The following PARP14 variants were observed in gnomAD, a reference collection of about 807,000 sequenced individuals.
The protein encoded by PARP14 is protein mono-ADP-ribosyltransferase PARP14.
In PARP14, 59 loss-of-function variants were observed where a neutral mutation model predicts 154.2. The observed-to-expected ratio is 0.38, with a 90% confidence interval of 0.31 to 0.48. The LOEUF (loss-of-function observed/expected upper bound fraction) is 0.48, where lower values mean the gene tolerates loss of function less well. Among genes scored for constraint, PARP14 ranks in the 20% least tolerant of loss-of-function variants. PARP14 has a pLI of 0.98. For synonymous variants in PARP14, 720 were observed against 780.5 expected (o/e 0.92, Z 1.29); for missense variants, 1,734 against 2,131.6 (o/e 0.81, Z 3.67).
intron 15 of PARP14, chr3:122,720,679 G>T: frequency 2.2e-6 from 1 of 462,222 alleles, no homozygotes; most frequent in South Asian, 1.8e-5. Context: ...TTTAAAATTG[G>T]ATTTGATAGC....
chr3:122,718,876 C>T lies in PARP14; in HGVS notation c.4725C>T (p.His1575=). 1.2e-6 allele frequency: 2 copies of T among 1,613,852 alleles called. No homozygotes were observed. Among genetic ancestry groups the T allele is most frequent in the Non-Finnish European group, 1.7e-6 (2 of 1,179,800 alleles). Residue 1575 remains histidine (H), a synonymous_variant, in exon 14 of 17, where the codon CAC becomes CAT. Transcript: ENST00000474629. The stretch of plus-strand genomic sequence containing the variant: ...TTGATGTCAAAATTAATCATCGGCA[C>T]TACACAGTGAACTTGAACACATACA... ...KTVDVKINHR[H]YTVNLNTYTA...
At chr3:122,693,300 C>T (rs1334462420) in intron 4 of PARP14, among the ~76,000 whole-genome samples, 1 of 134,578 alleles carries the variant, frequency 7.4e-6, no homozygotes, top group Non-Finnish European at 1.7e-5. Context: ...GGGAAGAGAG[C>T]TGTCACCACC....
chr3:122,706,427 T>G (rs1939151688), intron 8 of PARP14, among the ~76,000 whole-genome samples: 1 of 152,174 alleles, frequency 6.6e-6, no homozygotes, highest in Non-Finnish European at 1.5e-5. Flanking sequence ...TTTATTTAGA[T>G]TATTAAAAAA....
chr3:122,681,137 G>C lies in PARP14; in HGVS notation c.187+67G>C, dbSNP rs1938191949. ...CCCTCCCTCCAGGGAAATGGCGGCA[G>C]GGCACGCACGGGAGGGTGACCCGCC... is the stretch of plus-strand genomic sequence containing the variant. On this transcript the variant is annotated intron_variant, in intron 1 of 16. Coordinates refer to ENST00000474629, the MANE Select transcript of PARP14 (RefSeq NM_017554.3). This position sits in a 1 kb window ranked among gnomAD's most constrained non-coding sequence, Gnocchi z 5.5. The C allele has an allele frequency of 3.1e-6, 4 of 1,285,952 alleles. No homozygotes were observed. In the African/African-American group the frequency reaches 5.9e-5, roughly 19 times the overall value. The allele number at this position is 1,285,952 out of a possible 1,614,324, so 79.7% of individuals were successfully genotyped here. A position where few individuals can be genotyped will look rare whatever the true frequency, so the allele number is the denominator to read the frequency against.
In PARP14 at chr3:122,728,896, A is replaced by G. The variant is rs530064474; in HGVS notation, c.*299A>G. On this transcript the variant is annotated 3_prime_UTR_variant, in exon 17 of 17. Coordinates refer to ENST00000474629, the MANE Select transcript of PARP14 (RefSeq NM_017554.3). ...GGTTTGTATTTTCAGGAAGGAGAGA[A>G]TAACAGTCTTATAGACAGAGGGCAC... The G allele has an allele frequency of 6.8e-5, 23 of 340,536 alleles. 1 individual carries two copies. The highest frequency in any genetic ancestry group is 3.4e-4 in the South Asian group (12 of 34,854). The allele number at this position is 340,536 out of a possible 1,614,324, so 21.1% of individuals were successfully genotyped here.
intron 14 of PARP14, 106 bp from the exon 15 acceptor site, chr3:122,720,149 C>A: frequency 8.8e-7 from 1 of 1,141,406 alleles, no homozygotes; most frequent in African/African-American, 1.5e-5. Context: ...ATAAGGAACT[C>A]TTTGAATGCT....
intron 3 of PARP14, among the ~76,000 whole-genome samples, chr3:122,690,411 A>T (rs893756046): frequency 3.3e-5 from 5 of 152,152 alleles, no homozygotes; most frequent in African/African-American, 1.2e-4. Flanking sequence ...TTAATTTAGC[A>T]TGAGTGTGTG....
Position 122,694,600 on chromosome 3 carries a change from C to T in PARP14, c.599-826C>T, listed in dbSNP as rs780481920. Among the ~76,000 whole-genome samples the T allele has an allele frequency of 2.6e-5, 4 of 152,238 alleles. No individual in the cohort carries two copies. The South Asian group carries it at 6.2e-4, about 24-fold the overall frequency. ...CCCAGGCTGGAATGCAATGCAGTGG[C>T]GTGATCTCAGCTCACTACAAGTGAT... On this transcript the variant is annotated intron_variant, in intron 4 of 16. Transcript: ENST00000474629.
At chr3:122,720,480 C>A (rs975932701) in intron 15 of PARP14, 92 bp downstream of exon 15, 1 of 1,221,826 alleles carries the variant, frequency 8.2e-7, no homozygotes, top group Non-Finnish European at 1.2e-6. Context: ...CTTCCTATCA[C>A]ATTTTTTTAA....
At chr3:122,705,174 G>C (rs1057276742) in intron 8 of PARP14, among the ~76,000 whole-genome samples, 1 of 152,064 alleles carries the variant, frequency 6.6e-6, no homozygotes, top group East Asian at 1.9e-4. Flanking sequence ...TTTTAAAAAA[G>C]TAACATAACC....
rs771490414 is a variant in PARP14 at position 122,701,517 on chromosome 3, C to T, written c.2963C>T (p.Pro988Leu). ...GCCACCCTGCCAGATACAGCTGCCCCGCCAGGTTTACCACCAGCAGCAGCG... is the reference window on the plus strand; with the variant it reads ...GCCACCCTGCCAGATACAGCTGCCCTGCCAGGTTTACCACCAGCAGCAGCG... Reference protein sequence around the residue: ...FKATLPDTAAPPGLPPAAAGP... With the variant: ...FKATLPDTAALPGLPPAAAGP... The change falls in exon 6 of 17, where the codon CCG becomes CTG. Residue 988 changes from proline (P) to leucine (L), a missense_variant. Physicochemically the swap from Pro to Leu is moderately conservative, Grantham distance 98. Around this residue, in one of 2 missense-constraint regions of PARP14, gnomAD observed 1,646 missense variants for 1,976.0 expected, o/e 0.83. Coordinates refer to ENST00000474629, the MANE Select transcript of PARP14 (RefSeq NM_017554.3). The surrounding 1 kb of genome is among the most constrained non-coding windows in gnomAD (Gnocchi z 4.0). 5.9e-5 allele frequency: 95 copies of T among 1,613,182 alleles called. No individual in the cohort carries two copies. Among genetic ancestry groups the T allele is most frequent in the Non-Finnish European group, 7.8e-5 (92 of 1,179,450 alleles).
Position 122,720,348 on chromosome 3 carries a change from G to C in PARP14, c.4901G>C (p.Ser1634Thr), listed in dbSNP as rs763279060. ...PSDPEYNTVASKFNQTCSHFR... is the reference protein window; with the variant it reads ...PSDPEYNTVATKFNQTCSHFR... Reference sequence around the variant, plus strand: ...GATCCTGAGTACAACACGGTGGCAAGCAAGTTTAATCAGACCTGCTCACAC... The same window carrying C: ...GATCCTGAGTACAACACGGTGGCAACCAAGTTTAATCAGACCTGCTCACAC... Residue 1634 changes from serine (S) to threonine (T), a missense_variant, in exon 15 of 17, where the codon AGC (serine) becomes ACC (threonine). Physicochemically the swap from Ser to Thr is moderately conservative, Grantham distance 58. This residue lies in a region of PARP14 where 1,646 missense variants were observed against 1,976.0 expected (regional missense o/e 0.83). Coordinates refer to ENST00000474629, the MANE Select transcript of PARP14 (RefSeq NM_017554.3). 1 of 1,613,108 alleles carries C rather than the reference G, an allele frequency of 6.2e-7. No individual in the cohort carries two copies. Among genetic ancestry groups the C allele is most frequent in the African/African-American group, 1.3e-5 (1 of 75,038 alleles).
At chr3:122,723,322 C>T (rs185129175) in intron 15 of PARP14, among the ~76,000 whole-genome samples, 42 of 152,296 alleles carry the variant, frequency 2.8e-4, no homozygotes, top group East Asian at 3.9e-4. Flanking sequence ...AGTTCACACA[C>T]GGTTTGGACA....
chr3:122,713,138 G>T (rs1939376124), intron 9 of PARP14, among the ~76,000 whole-genome samples: 1 of 152,200 alleles, frequency 6.6e-6, no homozygotes, highest in South Asian at 2.1e-4. Flanking sequence ...GTGGCTTTTT[G>T]TATTTGTCCT....
Position 122,700,403 on chromosome 3 carries a change from C to T in PARP14, c.1849C>T (p.Leu617Phe), listed in dbSNP as rs1333180273. 3 of 1,613,686 alleles carry T rather than the reference C, an allele frequency of 1.9e-6. No homozygotes were observed. Among genetic ancestry groups the T allele is most frequent in the South Asian group, 1.1e-5 (1 of 91,076 alleles). Residue 617 changes from leucine (L) to phenylalanine (F), a missense_variant, in exon 6 of 17, where the codon CTC becomes TTC. Around this residue, in one of 2 missense-constraint regions of PARP14, gnomAD observed 1,646 missense variants for 1,976.0 expected, o/e 0.83. Transcript: ENST00000474629. ...EVLHGKKWKGLTHNLLKKQNS... is the reference protein window; with the variant it reads ...EVLHGKKWKGFTHNLLKKQNS... ...TCTTCATGGCAAGAAATGGAAAGGG[C>T]TCACTCACAATTTGCTTAAGAAACA...
chr3:122,726,489 CT>C (rs1206334078), intron 15 of PARP14, among the ~76,000 whole-genome samples: 1 of 152,220 alleles, frequency 6.6e-6, no homozygotes, highest in Non-Finnish European at 1.5e-5. Context: ...TTCAAATAGA[CT>C]TTTCTCCCTC....
chr3:122,680,916 C>A lies in PARP14; in HGVS notation c.33C>A (p.Val11=). Residue 11 remains valine (V), a synonymous_variant, in exon 1 of 17, where the codon GTC becomes GTA. Coordinates refer to ENST00000474629, the MANE Select transcript of PARP14 (RefSeq NM_017554.3). ...TGCCCGGCTCCTTCCCGCTGCTGGT[C>A]GAGGGCTCCTGGGGCCCCGACCCCC... MAVPGSFPLL[V]EGSWGPDPPK... is the part of the protein sequence containing the mutation. The A allele has an allele frequency of 3.1e-6, 5 of 1,611,334 alleles. No homozygotes were observed. The highest frequency in any genetic ancestry group is 1.1e-5 in the South Asian group (1 of 90,590).
rs1938337184 is a variant in PARP14 at position 122,685,306 on chromosome 3, A to G, written c.309A>G (p.Glu103=). ...PDEIDHVFEE[E]LLTKESKTKE... is the part of the protein sequence containing the mutation. Reference sequence around the variant, plus strand: ...AAATCGATCATGTCTTTGAAGAGGAACTTCTAACAAAAGCAAGTAAACTTT... The same window carrying G: ...AAATCGATCATGTCTTTGAAGAGGAGCTTCTAACAAAAGCAAGTAAACTTT... Residue 103 remains glutamate (E), a synonymous_variant, in exon 2 of 17, where the codon GAA becomes GAG. Transcript: ENST00000474629. 1.2e-6 allele frequency: 2 copies of G among 1,613,752 alleles called. No homozygotes were observed. The highest frequency in any genetic ancestry group is 1.7e-6 in the Non-Finnish European group (2 of 1,179,810).
Position 122,699,497 on chromosome 3 carries a change from CTGAT to C in PARP14, c.944_947del (p.Leu315ProfsTer11), listed in dbSNP as rs1162003011. On this transcript the variant is annotated frameshift_variant, in exon 6 of 17. Transcript: ENST00000474629. LOFTEE classifies it high-confidence loss of function. Reference sequence around the variant, plus strand: ...AGCCTTGTATGGAAAGGAGAAGCCTCTGATCAAGCTTCCAGCACCATTTGAAGAG... The same window carrying C: ...AGCCTTGTATGGAAAGGAGAAGCCTCCAAGCTTCCAGCACCATTTGAAGAG... The C allele has an allele frequency of 1.2e-6, 2 of 1,613,730 alleles. No individual in the cohort carries two copies. Among genetic ancestry groups the C allele is most frequent in the Non-Finnish European group, 8.5e-7 (1 of 1,179,726 alleles).
Sources: gnomAD v4.1 joint callset for allele counts (sites outside exome capture counted in the v4.1 genomes callset) on GRCh38, gnomAD v4.1.1 for gene constraint, gnomAD v4.1.1 regional missense constraint, Gnocchi (gnomAD v3.1) non-coding constraint, MANE v1.5 for transcripts, NCBI Gene and HGNC (gene_info 2026-07-23, HGNC 2026-07-21) for gene names.